SGK1: variants seen among roughly 807,000 people sequenced by gnomAD.
SGK1 encodes serum/glucocorticoid regulated kinase 1, also known as serine/threonine-protein kinase Sgk1.
Under a neutral mutation model 64.2 loss-of-function variants are expected in SGK1, and 26 were observed. The ratio of observed to expected loss-of-function variants is 0.40; its 90% CI spans 0.30 to 0.56. The LOEUF (loss-of-function observed/expected upper bound fraction) is 0.56, where lower values mean the gene tolerates loss of function less well. Ranked by LOEUF, SGK1 falls within the 20% of genes least tolerant of loss-of-function variation. SGK1 has a pLI of 0.38. For missense variants in SGK1, 519 were observed against 645.6 expected, an observed-to-expected ratio of 0.80 and a Z score of 2.12; for synonymous variants, 265 against 239.7, an observed-to-expected ratio of 1.11 and a Z score of -0.98.
chr6:134,170,260 A>G lies in SGK1; in HGVS notation c.*8T>C. ...ATAAAATCCTTTAAAACCAAGCCCT[A>G]ACAGGGTTCAGAGGAAAGAGTCCGT... On this transcript the variant is annotated 3_prime_UTR_variant, in exon 14 of 14. Transcript: ENST00000367858. 6.2e-7 allele frequency: 1 copy of G among 1,603,842 alleles called. No homozygotes were observed. Among genetic ancestry groups the G allele is most frequent in the Non-Finnish European group, 8.5e-7 (1 of 1,172,352 alleles).
chr6:134,255,026 G>A (rs762751915), intron 2 of SGK1, among the ~76,000 whole-genome samples: 2 of 152,008 alleles, frequency 1.3e-5, no homozygotes, highest in South Asian at 2.1e-4. Context: ...GCGCCACCAC[G>A]CCTGGCTAAT....
At chr6:134,173,770 T>G (rs567453414) in intron 5 of SGK1, 9 of 586,596 alleles carry the variant, frequency 1.5e-5, no homozygotes, top group Non-Finnish European at 2.4e-5. Flanking sequence ...AGATAAAACC[T>G]TTTTATGAAA....
chr6:134,221,061 T>C (rs549927090), intron 2 of SGK1, among the ~76,000 whole-genome samples: 46 of 151,772 alleles, frequency 3.0e-4, no homozygotes, highest in Admixed American at 5.9e-4. Context: ...CCCAGCACTT[T>C]GGGAGGCCGA....
rs1554222954 is a variant in SGK1 at position 134,232,413 on chromosome 6, G to GAGAGAGAAAGAAAGAA, written c.286-24983_286-24982insTTCTTTCTTTCTCTCT. On this transcript the variant is annotated intron_variant, in intron 2 of 13. Coordinates refer to ENST00000367858, the MANE Select transcript of SGK1 (RefSeq NM_001143676.3). ...AAAAGAAAGAAGAAAAAGAAAGAAAGAGAAAGAAAGAAAGAAAGAAAGAAA... is the reference window on the plus strand; with the variant it reads ...AAAAGAAAGAAGAAAAAGAAAGAAAGAGAGAGAAAGAAAGAAAGAAAGAAAGAAAGAAAGAAAGAAA... Among the ~76,000 whole-genome samples, 2 of 47,706 alleles carry GAGAGAGAAAGAAAGAA rather than the reference G, an allele frequency of 4.2e-5. 1 individual carries two copies. The highest frequency in any genetic ancestry group is 8.3e-5 in the Non-Finnish European group (2 of 24,030). The allele number at this position is 47,706 out of a possible 152,430, so 31.3% of individuals were successfully genotyped here.
At chr6:134,217,202 A>C (rs1256577310) in intron 2 of SGK1, among the ~76,000 whole-genome samples, 1 of 152,218 alleles carries the variant, frequency 6.6e-6, no homozygotes, top group African/African-American at 2.4e-5. Flanking sequence ...ATGCTTTGCA[A>C]GACTTGAAGA....
chr6:134,240,344 GA>G (rs1328753631), intron 2 of SGK1, among the ~76,000 whole-genome samples: 2 of 150,828 alleles, frequency 1.3e-5, no homozygotes, highest in African/African-American at 2.4e-5. Flanking sequence ...ACACCTACAG[GA>G]GGAGGAATTT....
chr6:134,171,639 G>A lies in SGK1; in HGVS notation c.1165C>T (p.Leu389=). The change falls in exon 11 of 14, where the codon CTG becomes TTG. Residue 389 remains leucine (L), a splice_region_variant and synonymous_variant. Transcript: ENST00000367858. ...GAVLYEMLYG[L]PPFYSRNTAE... ...ATGGTTCCCAATGTGCCACTCACCA[G>A]GCCATACAGCATCTCATACAAGACA... 6.2e-7 allele frequency: 1 copy of A among 1,609,414 alleles called. No homozygotes were observed. Among genetic ancestry groups the A allele is most frequent in the Non-Finnish European group, 8.5e-7 (1 of 1,175,694 alleles).
At chr6:134,171,303 A>C in intron 11 of SGK1, 125 bp from the exon 12 acceptor site, 1 of 898,284 alleles carries the variant, frequency 1.1e-6, no homozygotes, top group Non-Finnish European at 1.8e-6. Context: ...TCCCCACCTC[A>C]ATGCTTTCTT....
chr6:134,310,987 TATC>T (rs1469149899), intron 1 of SGK1, among the ~76,000 whole-genome samples: 1 of 152,166 alleles, frequency 6.6e-6, no homozygotes, highest in Non-Finnish European at 1.5e-5. Flanking sequence ...ACAAGAAAAG[TATC>T]ATAGAAGAGA....
At chr6:134,283,406 G>A (rs1008834252) in intron 1 of SGK1, among the ~76,000 whole-genome samples, 2 of 151,818 alleles carry the variant, frequency 1.3e-5, no homozygotes, top group Non-Finnish European at 2.9e-5. Context: ...TGAGAGAATT[G>A]CTTGAACCCA....
At chr6:134,193,835 A>G (rs866042184) in intron 3 of SGK1, among the ~76,000 whole-genome samples, 391 of 1,372 alleles carry the variant, frequency 0.28, 11 homozygotes, top group Non-Finnish European at 0.32. Context: ...GAGGGGAGGG[A>G]AGGGGAGGGG....
chr6:134,228,827 G>C (rs768923059), intron 2 of SGK1, among the ~76,000 whole-genome samples: 1 of 150,664 alleles, frequency 6.6e-6, no homozygotes, highest in Non-Finnish European at 1.5e-5. Context: ...GAAAATTCAG[G>C]TCTTGTAGTT....
chr6:134,232,244 G>A (rs375445265), intron 2 of SGK1, among the ~76,000 whole-genome samples: 1 of 151,324 alleles, frequency 6.6e-6, no homozygotes, highest in African/African-American at 2.4e-5. Flanking sequence ...AATTAGCCAG[G>A]CATGGTGGCA....
At chr6:134,200,324 A>G (rs758048205) in intron 3 of SGK1, among the ~76,000 whole-genome samples, 2 of 152,172 alleles carry the variant, frequency 1.3e-5, no homozygotes, top group Non-Finnish European at 2.9e-5. Flanking sequence ...TGATGAGCAT[A>G]TGCCACTTTT....
chr6:134,312,347 G>A (rs1003130970), intron 1 of SGK1, among the ~76,000 whole-genome samples: 1 of 152,186 alleles, frequency 6.6e-6, no homozygotes, highest in African/African-American at 2.4e-5. Context: ...GATACTTTAA[G>A]CAGGCAAAAT....
rs779785039 is a variant in SGK1, at chr6:134,225,008, C to CAAAA, written c.286-17581_286-17578dup. On this transcript the variant is annotated intron_variant, in intron 2 of 13. Transcript: ENST00000367858. ...GCATTCCAGCCTGGAGACTCCATCT[C>CAAAA]AAAAAAAAAAAAAAAGAAAAAAGAA... Among the ~76,000 whole-genome samples the CAAAA allele has an allele frequency of 8.4e-3, 317 of 37,530 alleles. 3 individuals are homozygous for CAAAA. The highest frequency in any genetic ancestry group is 0.013 in the Non-Finnish European group (223 of 17,704). 24.6% of individuals were successfully genotyped at this position (37,530 alleles called of 152,430 possible). A position where few individuals can be genotyped will look rare whatever the true frequency, so the allele number is the denominator to read the frequency against.
At chr6:134,194,187 A>G (rs1343772263) in intron 3 of SGK1, among the ~76,000 whole-genome samples, 1 of 150,506 alleles carries the variant, frequency 6.6e-6, no homozygotes, top group Non-Finnish European at 1.5e-5. Flanking sequence ...TTTTTTTCTC[A>G]TCAATGTTAT....
At chr6:134,300,599 G>C (rs1777437102) in intron 1 of SGK1, among the ~76,000 whole-genome samples, 1 of 147,684 alleles carries the variant, frequency 6.8e-6, no homozygotes, top group South Asian at 2.1e-4. Flanking sequence ...AGGCCCTGGA[G>C]ATAAAGAGAA....
At chr6:134,240,183 T>G (rs1009445554) in intron 2 of SGK1, among the ~76,000 whole-genome samples, 1 of 149,660 alleles carries the variant, frequency 6.7e-6, no homozygotes. Context: ...TCCCAGCTAC[T>G]GGGGAGGCTG....
Sources: gnomAD v4.1 joint callset for allele counts (sites outside exome capture counted in the v4.1 genomes callset) on GRCh38, gnomAD v4.1.1 for gene constraint, MANE v1.5 for transcripts, NCBI Gene and HGNC (gene_info 2026-07-23, HGNC 2026-07-21) for gene names.